The following FSTL4 variants were observed in gnomAD, a reference collection of about 807,000 sequenced individuals.
FSTL4 encodes the protein follistatin like 4, also known as follistatin-related protein 4.
A neutral mutation model predicts 78.2 loss-of-function variants in FSTL4; 28 were observed. The observed-to-expected ratio is 0.36, with a 90% CI of 0.27 to 0.49. FSTL4 has a LOEUF of 0.49. FSTL4 is among the 20% of genes least tolerant of loss of function. FSTL4 has a pLI of 0.98. For synonymous variants in FSTL4, 422 were observed against 440.5 expected (o/e 0.96, Z 0.53); for missense variants, 922 against 1,084.9 (o/e 0.85, Z 2.11).
chr5:133,313,918 G>A lies in FSTL4; in HGVS notation c.604-1141C>T, dbSNP rs145755868. Among the ~76,000 whole-genome samples, 21 of 152,210 alleles carry A rather than the reference G, an allele frequency of 1.4e-4. No individual in the cohort carries two copies. The East Asian group carries it at 3.3e-3, about 24-fold the overall frequency. On this transcript the variant is annotated intron_variant, in intron 5 of 15. Coordinates refer to ENST00000265342, the MANE Select transcript of FSTL4 (RefSeq NM_015082.2). ...TGTCAAGGAAAGGCCCACTTTAGCC[G>A]GGCTCTGCTTGGCAGATTTATGAAA...
At chr5:133,750,185 G>A in the FSTL4 span, among the ~76,000 whole-genome samples, 1 of 152,148 alleles carries the variant, frequency 6.6e-6, no homozygotes, top group African/African-American at 2.4e-5. Context: ...AATACTGGAA[G>A]GTGCAGGACC....
the FSTL4 span, among the ~76,000 whole-genome samples, chr5:133,838,620 C>G: frequency 6.6e-6 from 1 of 151,752 alleles, no homozygotes; most frequent in South Asian, 2.1e-4. Context: ...CTCTAACTAT[C>G]TTTATGTACT....
chr5:133,526,654 G>A (rs1759106781), intron 3 of FSTL4, among the ~76,000 whole-genome samples: 1 of 152,172 alleles, frequency 6.6e-6, no homozygotes, highest in Non-Finnish European at 1.5e-5. Flanking sequence ...AACATTTGCG[G>A]ACGAGTTGTG....
chr5:133,783,139 A>G, the FSTL4 span, among the ~76,000 whole-genome samples: 6 of 152,148 alleles, frequency 3.9e-5, no homozygotes, highest in East Asian at 1.2e-3. Context: ...CAAACTCCCA[A>G]GTGCTCACAG....
At chr5:133,750,536 T>G in the FSTL4 span, among the ~76,000 whole-genome samples, 2 of 152,090 alleles carry the variant, frequency 1.3e-5, no homozygotes, top group East Asian at 3.9e-4. Flanking sequence ...TCACTGTGGG[T>G]GAGGGCAGAC....
At chr5:133,748,938 C>A in the FSTL4 span, among the ~76,000 whole-genome samples, 1 of 152,166 alleles carries the variant, frequency 6.6e-6, no homozygotes, top group Admixed American at 6.5e-5. Flanking sequence ...CCCAGAGATG[C>A]AAACCTAGGG....
At position 133,548,282 on chromosome 5, in the gene FSTL4, TGACTTGGGGGAACCCTG is replaced by T. The variant is rs1270097973; in HGVS notation, c.160+18887_160+18903del. On this transcript the variant is annotated intron_variant, in intron 3 of 15. Transcript: ENST00000265342. ...ATAGTCAGTAGGTCAGAAATGCAGG[TGACTTGGGGGAACCCTG>T]AACCTATGGTTAGCGTTTGAAGTGA... is the stretch of plus-strand genomic sequence containing the variant. 8.9e-3 allele frequency among the ~76,000 whole-genome samples: 1,354 copies of T among 152,274 alleles called. 19 individuals carry two copies. Among genetic ancestry groups the T allele is most frequent in the African/African-American group, 0.031 (1,307 of 41,546 alleles).
At chr5:133,279,097 A>G (rs1752954006) in intron 6 of FSTL4, among the ~76,000 whole-genome samples, 1 of 152,206 alleles carries the variant, frequency 6.6e-6, no homozygotes, top group Non-Finnish European at 1.5e-5. Flanking sequence ...CAGTTTCTAT[A>G]GAGAAGTTCT....
chr5:133,257,909 G>A (rs1473118940), intron 6 of FSTL4, among the ~76,000 whole-genome samples: 1 of 152,208 alleles, frequency 6.6e-6, no homozygotes, highest in Non-Finnish European at 1.5e-5. Context: ...TTACTTTGGT[G>A]TCTTAAGGGG....
chr5:133,545,083 TTTACA>T (rs1350777146), intron 3 of FSTL4, among the ~76,000 whole-genome samples: 1 of 152,114 alleles, frequency 6.6e-6, no homozygotes, highest in Admixed American at 6.5e-5. Flanking sequence ...CACACCTGAG[TTTACA>T]TTAAGAGATG....
the FSTL4 span, among the ~76,000 whole-genome samples, chr5:133,678,098 G>T: frequency 6.6e-6 from 1 of 152,134 alleles, no homozygotes; most frequent in African/African-American, 2.4e-5. Flanking sequence ...CATTTTTCAA[G>T]AATATAATAT....
At chr5:133,832,854 C>T in the FSTL4 span, among the ~76,000 whole-genome samples, 1 of 152,136 alleles carries the variant, frequency 6.6e-6, no homozygotes, top group African/African-American at 2.4e-5. Flanking sequence ...GTGGCACCAC[C>T]AAAGCAGCCA....
At chr5:133,653,460 G>T in the FSTL4 span, among the ~76,000 whole-genome samples, 1 of 152,056 alleles carries the variant, frequency 6.6e-6, no homozygotes, top group Non-Finnish European at 1.5e-5. Flanking sequence ...ATCTCCCTCG[G>T]GACTGCATCC....
chr5:133,780,678 A>G, the FSTL4 span, among the ~76,000 whole-genome samples: 1 of 152,236 alleles, frequency 6.6e-6, no homozygotes. Flanking sequence ...AAGCACCTGC[A>G]TAGCATTTAC....
chr5:133,562,705 C>G (rs943423051), intron 3 of FSTL4, among the ~76,000 whole-genome samples: 1 of 152,204 alleles, frequency 6.6e-6, no homozygotes, highest in African/African-American at 2.4e-5. Flanking sequence ...TGCTCATCCC[C>G]AAACTCGCAG....
At chr5:133,679,603 G>T in the FSTL4 span, among the ~76,000 whole-genome samples, 150 of 152,202 alleles carry the variant, frequency 9.9e-4, no homozygotes, top group Non-Finnish European at 1.9e-3. Flanking sequence ...GAAAGTAGTT[G>T]GATTCATTCT....
chr5:133,573,040 C>T (rs200460454), intron 2 of FSTL4, among the ~76,000 whole-genome samples: 4 of 151,930 alleles, frequency 2.6e-5, no homozygotes, highest in African/African-American at 4.8e-5. Flanking sequence ...GTCAGGAGAT[C>T]GAGACCATCC....
At chr5:133,627,710 C>A in the FSTL4 span, among the ~76,000 whole-genome samples, 2 of 152,036 alleles carry the variant, frequency 1.3e-5, no homozygotes, top group Middle Eastern at 3.2e-3. Flanking sequence ...CTTTTAATAG[C>A]CTATTTAGAC....
rs1758487826 is a variant in FSTL4, at chr5:133,501,180, G to A, written c.160+66006C>T. The stretch of plus-strand genomic sequence containing the variant: ...TGAGTGTGCTAAAGAGTGAGGTACA[G>A]CAGACGGCTGGGGAAAGGAAGACAT... On this transcript the variant is annotated intron_variant, in intron 3 of 15. Transcript: ENST00000265342. Among the ~76,000 whole-genome samples, 2 of 152,036 alleles carry A rather than the reference G, an allele frequency of 1.3e-5. 1 individual carries two copies. Among genetic ancestry groups the A allele is most frequent in the South Asian group, 4.1e-4 (2 of 4,822 alleles).
Sources: allele counts gnomAD v4.1 joint callset (sites outside exome capture counted in the v4.1 genomes callset), GRCh38; gene constraint gnomAD v4.1.1; transcripts MANE v1.5; gene names NCBI Gene and HGNC (gene_info 2026-07-23, HGNC 2026-07-21).